The following UTRN variants were observed in gnomAD, a reference collection of about 807,000 sequenced individuals.
The protein encoded by UTRN is utrophin.
In UTRN, 283 loss-of-function variants were observed where a neutral mutation model predicts 463.9. The ratio of observed to expected loss-of-function variants is 0.61; its 90% CI spans 0.55 to 0.67. The LOEUF is 0.67. Ranked by LOEUF, UTRN falls within the 30% of genes least tolerant of loss-of-function variation. The probability of loss-of-function intolerance (pLI) is 0.00; values close to 1 mark genes in which losing one functional copy is unlikely to be tolerated. For missense variants in UTRN, 3,922 were observed against 4,084.3 expected (o/e 0.96, Z 1.08); for synonymous variants, 1,442 against 1,431.5 (o/e 1.01, Z -0.17).
chr6:144,527,670 G>A (rs923317613), intron 41 of UTRN, among the ~76,000 whole-genome samples: 1 of 152,168 alleles, frequency 6.6e-6, no homozygotes, highest in Non-Finnish European at 1.5e-5. Flanking sequence ...ACTTCATGGA[G>A]GCTTTGTTCA....
chr6:144,449,156 A>G (rs536056125), intron 17 of UTRN, among the ~76,000 whole-genome samples: 21 of 152,140 alleles, frequency 1.4e-4, no homozygotes, highest in East Asian at 7.7e-4. Flanking sequence ...CCCAGTTTTT[A>G]TTGTCAGAAA....
chr6:144,439,264 T>C (rs1786892260), intron 12 of UTRN, among the ~76,000 whole-genome samples: 1 of 152,140 alleles, frequency 6.6e-6, no homozygotes, highest in African/African-American at 2.4e-5. Context: ...GGCATTAAGT[T>C]AGGAACCAAA....
At chr6:144,780,011 A>C (rs1487072658) in intron 60 of UTRN, among the ~76,000 whole-genome samples, 1 of 152,152 alleles carries the variant, frequency 6.6e-6, no homozygotes. Context: ...GTATGGGTTT[A>C]AAGCAGTTCT....
At chr6:144,433,598 C>G (rs1324162223) in intron 9 of UTRN, among the ~76,000 whole-genome samples, 2 of 149,202 alleles carry the variant, frequency 1.3e-5, no homozygotes, top group Non-Finnish European at 3.0e-5. Context: ...GGGCGGTTGC[C>G]AGGCAGAGGG....
intron 50 of UTRN, among the ~76,000 whole-genome samples, chr6:144,559,382 CA>C (rs1393143969): frequency 6.6e-6 from 1 of 151,916 alleles, no homozygotes; most frequent in Non-Finnish European, 1.5e-5. Context: ...ACAGGGAAAA[CA>C]GAGCAAAACT....
At chr6:144,685,317 G>A (rs1782635824) in intron 52 of UTRN, among the ~76,000 whole-genome samples, 2 of 152,138 alleles carry the variant, frequency 1.3e-5, no homozygotes, top group Admixed American at 1.3e-4. Context: ...CTTTGCAATT[G>A]TGGATTGTGC....
intron 7 of UTRN, among the ~76,000 whole-genome samples, chr6:144,427,237 A>AC (rs1248109043): frequency 2.0e-5 from 3 of 152,122 alleles, no homozygotes; most frequent in Non-Finnish European, 4.4e-5. Context: ...ACTTCACCAC[A>AC]CTAAAAAAAA....
At chr6:144,385,096 T>C (rs2114747848) in intron 2 of UTRN, among the ~76,000 whole-genome samples, 1 of 152,318 alleles carries the variant, frequency 6.6e-6, no homozygotes, top group Admixed American at 6.5e-5. Context: ...TCACGAGTTA[T>C]ATTTTATACA....
intron 51 of UTRN, among the ~76,000 whole-genome samples, chr6:144,666,338 C>T (rs527508597): frequency 1.6e-4 from 24 of 148,160 alleles, no homozygotes; most frequent in Non-Finnish European, 2.4e-4. Flanking sequence ...TTTTAAGTTC[C>T]CCCATTAAAC....
Position 144,850,395 on chromosome 6 carries a change from C to CT in UTRN, c.10294-585dup, listed in dbSNP as rs1384264426. The stretch of plus-strand genomic sequence containing the variant: ...CAGTTTGGATGATTTCATTTTAGCA[C>CT]TTTTTTTTTATTTTTTTCTAATTTC... On this transcript the variant is annotated intron_variant, in intron 74 of 74. Transcript: ENST00000367545. 8.6e-5 allele frequency among the ~76,000 whole-genome samples: 13 copies of CT among 151,714 alleles called. No individual in the cohort carries two copies. In the South Asian group the frequency reaches 1.0e-3, roughly 12 times the overall value.
chr6:144,524,613 T>C (rs1796400723), intron 41 of UTRN, among the ~76,000 whole-genome samples: 1 of 152,190 alleles, frequency 6.6e-6, no homozygotes, highest in Admixed American at 6.5e-5. Flanking sequence ...GTTTTCTAGG[T>C]ATATGATCAT....
chr6:144,495,800 G>A (rs1793588469), intron 33 of UTRN, among the ~76,000 whole-genome samples: 1 of 152,106 alleles, frequency 6.6e-6, no homozygotes, highest in Non-Finnish European at 1.5e-5. Context: ...TTTTCTAGTC[G>A]CAACATGTAA....
intron 51 of UTRN, among the ~76,000 whole-genome samples, chr6:144,663,994 T>A (rs1780139131): frequency 6.6e-6 from 1 of 152,134 alleles, no homozygotes; most frequent in Non-Finnish European, 1.5e-5. Flanking sequence ...GAGAAGACAT[T>A]GATCTTATGG....
chr6:144,529,103 C>T (rs1464113474), intron 41 of UTRN, among the ~76,000 whole-genome samples: 1 of 152,166 alleles, frequency 6.6e-6, no homozygotes, highest in African/African-American at 2.4e-5. Flanking sequence ...GCAGGCCTCA[C>T]TCAGTTTCCA....
chr6:144,567,275 A>G (rs140860376), intron 50 of UTRN, among the ~76,000 whole-genome samples: 1,756 of 152,306 alleles, frequency 0.012, 16 homozygotes, highest in Admixed American at 0.016. Context: ...GCTCTAGAGC[A>G]TGGTGGAAGA....
chr6:144,564,557 A>G (rs1800228204), intron 50 of UTRN, among the ~76,000 whole-genome samples: 1 of 152,148 alleles, frequency 6.6e-6, no homozygotes, highest in South Asian at 2.1e-4. Flanking sequence ...AAGAGTTTTA[A>G]CTGACTTATA....
intron 58 of UTRN, among the ~76,000 whole-genome samples, chr6:144,769,568 A>G (rs1013678939): frequency 6.6e-6 from 1 of 152,216 alleles, no homozygotes; most frequent in Non-Finnish European, 1.5e-5. Context: ...CCTGACTGAG[A>G]AATAGTGGTA....
intron 27 of UTRN, among the ~76,000 whole-genome samples, chr6:144,483,795 G>C (rs1427856818): frequency 6.6e-6 from 1 of 152,154 alleles, no homozygotes; most frequent in Admixed American, 6.5e-5. Context: ...TGGATACCTG[G>C]TTAACTGAGA....
chr6:144,657,250 C>CAAAAAA (rs11400052), intron 51 of UTRN, among the ~76,000 whole-genome samples: 5 of 68,838 alleles, frequency 7.3e-5, no homozygotes, highest in Admixed American at 1.5e-4. Flanking sequence ...AACTCCATCT[C>CAAAAAA]AAAAAAAAAA....
Sources: gnomAD v4.1 joint callset for allele counts (sites outside exome capture counted in the v4.1 genomes callset) on GRCh38, gnomAD v4.1.1 for gene constraint, MANE v1.5 for transcripts, NCBI Gene and HGNC (gene_info 2026-07-23, HGNC 2026-07-21) for gene names.